The following SUPT3H variants were observed in gnomAD, a reference collection of about 807,000 sequenced individuals.
The protein encoded by SUPT3H is transcription initiation protein SPT3 homolog.
In SUPT3H, 44 loss-of-function variants were observed where a neutral mutation model predicts 44.3. The ratio of observed to expected loss-of-function variants is 0.99; its 90% CI spans 0.78 to 1.28. The LOEUF is 1.28. Ranked by LOEUF, SUPT3H falls within the 50% of genes most tolerant of loss-of-function variation. SUPT3H has a pLI of 0.00. For missense variants in SUPT3H, 380 were observed against 387.1 expected (o/e 0.98, Z 0.15); for synonymous variants, 124 against 125.6 (o/e 0.99, Z 0.09).
chr6:45,182,088 C>G (rs1482753489), intron 2 of SUPT3H, among the ~76,000 whole-genome samples: 1 of 151,666 alleles, frequency 6.6e-6, no homozygotes, highest in Non-Finnish European at 1.5e-5. Context: ...TTTTATGCAC[C>G]AAAGGTGCTG....
intron 3 of SUPT3H, among the ~76,000 whole-genome samples, chr6:45,092,750 CAAAA>C (rs71674371): frequency 7.8e-6 from 1 of 127,824 alleles, no homozygotes; most frequent in African/African-American, 3.2e-5. Context: ...GACTTCGTCT[CAAAA>C]AAAAAAAAAA....
intron 3 of SUPT3H, among the ~76,000 whole-genome samples, chr6:45,101,514 G>T (rs1168810203): frequency 1.3e-5 from 2 of 152,118 alleles, no homozygotes; most frequent in Non-Finnish European, 2.9e-5. Context: ...TGGAGAGAAA[G>T]GTATAGCCAA....
intron 9 of SUPT3H, among the ~76,000 whole-genome samples, chr6:44,952,745 T>C (rs1224030707): frequency 1.3e-5 from 2 of 152,216 alleles, no homozygotes; most frequent in African/African-American, 4.8e-5. Context: ...ACAGTTATTA[T>C]ACAGAGCCTT....
chr6:45,181,517 C>G (rs1813180181), intron 2 of SUPT3H, among the ~76,000 whole-genome samples: 2 of 151,664 alleles, frequency 1.3e-5, no homozygotes, highest in South Asian at 4.2e-4. Flanking sequence ...ACATATACAC[C>G]ATGGAATACT....
At chr6:45,186,894 C>T (rs977964615) in intron 2 of SUPT3H, among the ~76,000 whole-genome samples, 13 of 151,910 alleles carry the variant, frequency 8.6e-5, no homozygotes, top group Non-Finnish European at 1.3e-4. Context: ...ATGTTCCCTC[C>T]GGTTTATTAC....
chr6:45,294,133 C>T (rs1301922764), intron 2 of SUPT3H, among the ~76,000 whole-genome samples: 1 of 152,166 alleles, frequency 6.6e-6, no homozygotes, highest in African/African-American at 2.4e-5. Flanking sequence ...AAAGACAATT[C>T]ACTATGTTCA....
intron 2 of SUPT3H, among the ~76,000 whole-genome samples, chr6:45,363,536 C>T (rs1042233715): frequency 1.3e-5 from 2 of 152,014 alleles, no homozygotes; most frequent in Admixed American, 6.6e-5. Flanking sequence ...CAAAGTAAAT[C>T]AATGAACCAG....
At chr6:44,936,274 T>A (rs1359099114) in intron 9 of SUPT3H, among the ~76,000 whole-genome samples, 1 of 152,238 alleles carries the variant, frequency 6.6e-6, no homozygotes, top group Non-Finnish European at 1.5e-5. Flanking sequence ...ATATGTAATT[T>A]TCTCATTTAA....
intron 3 of SUPT3H, among the ~76,000 whole-genome samples, chr6:45,084,897 TG>T (rs1271192943): frequency 9.2e-5 from 14 of 152,054 alleles, no homozygotes; most frequent in Non-Finnish European, 2.1e-4. Context: ...CACCTGTTAG[TG>T]GGAGCTAAAC....
intron 2 of SUPT3H, among the ~76,000 whole-genome samples, chr6:45,129,296 T>A (rs1460232038): frequency 6.6e-6 from 1 of 152,226 alleles, no homozygotes; most frequent in Admixed American, 6.5e-5. Flanking sequence ...ACTACTGATG[T>A]ATGTTCTACA....
At chr6:45,234,747 T>C (rs1768774464) in intron 2 of SUPT3H, among the ~76,000 whole-genome samples, 1 of 152,120 alleles carries the variant, frequency 6.6e-6, no homozygotes, top group Non-Finnish European at 1.5e-5. Flanking sequence ...AAACAAACTA[T>C]AGCTATCAAG....
At chr6:45,351,800 T>G (rs1792108239) in intron 2 of SUPT3H, among the ~76,000 whole-genome samples, 1 of 152,284 alleles carries the variant, frequency 6.6e-6, no homozygotes, top group South Asian at 2.1e-4. Context: ...TTCAAATACC[T>G]AAATTAACCC....
intron 10 of SUPT3H, among the ~76,000 whole-genome samples, chr6:44,841,125 A>G (rs1010023549): frequency 1.3e-5 from 2 of 152,208 alleles, no homozygotes; most frequent in African/African-American, 4.8e-5. Context: ...CTGGAGAACC[A>G]TGAGCCAATA....
At chr6:45,214,001 G>A (rs1764564313) in intron 2 of SUPT3H, among the ~76,000 whole-genome samples, 2 of 95,118 alleles carry the variant, frequency 2.1e-5, no homozygotes, top group African/African-American at 4.0e-5. Flanking sequence ...AAAGCCTTTT[G>A]AGATTTTGAA....
intron 10 of SUPT3H, among the ~76,000 whole-genome samples, chr6:44,848,349 T>C (rs921744642): frequency 6.6e-6 from 1 of 152,300 alleles, no homozygotes; most frequent in South Asian, 2.1e-4. Context: ...TGGCTGGTTG[T>C]ACATTAGAGC....
intron 3 of SUPT3H, among the ~76,000 whole-genome samples, chr6:45,026,349 A>G (rs1785998376): frequency 6.6e-6 from 1 of 152,186 alleles, no homozygotes; most frequent in Non-Finnish European, 1.5e-5. Context: ...ACAACCTTAG[A>G]TACATCAAAT....
rs773202543 is a variant in SUPT3H at position 44,961,831 on chromosome 6, A to G, written c.505-3T>C. 16 of 1,596,908 alleles carry G rather than the reference A, an allele frequency of 1.0e-5. No homozygotes were observed. The highest frequency in any genetic ancestry group is 1.4e-5 in the Non-Finnish European group (16 of 1,170,876). ...ATTCGAGTTTGTCTTTCTGCTCTCT[A>G]AAAGATAAAAATACATAACATTTTT... On this transcript the variant is annotated splice_region_variant and splice_polypyrimidine_tract_variant and intron_variant, in intron 6 of 10. Coordinates refer to ENST00000371459, the MANE Select transcript of SUPT3H (RefSeq NM_003599.4).
chr6:45,018,512 A>AT (rs1434808803), intron 4 of SUPT3H, among the ~76,000 whole-genome samples: 1 of 152,074 alleles, frequency 6.6e-6, no homozygotes. Flanking sequence ...TTATTTTGAG[A>AT]TATGTCCCAT....
intron 10 of SUPT3H, among the ~76,000 whole-genome samples, chr6:44,889,667 A>G (rs1457371345): frequency 1.3e-5 from 2 of 152,298 alleles, no homozygotes; most frequent in Admixed American, 6.5e-5. Flanking sequence ...CCCTAGAAGA[A>G]AACCTAGGCA....
Sources: gnomAD v4.1 joint callset for allele counts (sites outside exome capture counted in the v4.1 genomes callset) on GRCh38, gnomAD v4.1.1 for gene constraint, MANE v1.5 for transcripts, NCBI Gene and HGNC (gene_info 2026-07-23, HGNC 2026-07-21) for gene names.